The following NRXN1 variants were observed in gnomAD, a reference collection of about 807,000 sequenced individuals.
NRXN1 encodes neurexin 1, also known as neurexin-1.
In NRXN1, 39 loss-of-function variants were observed where a neutral mutation model predicts 150.9. The observed-to-expected ratio is 0.26, with a 90% CI of 0.20 to 0.34. The LOEUF is 0.34. NRXN1 is among the 10% of genes least tolerant of loss of function. The probability of loss-of-function intolerance (pLI) is 1.00; values close to 1 mark genes in which losing one functional copy is unlikely to be tolerated. For synonymous variants in NRXN1, 924 were observed against 757.0 expected (o/e 1.22, Z -3.62); for missense variants, 1,815 against 1,949.9 (o/e 0.93, Z 1.30).
intron 17 of NRXN1, among the ~76,000 whole-genome samples, chr2:50,242,733 A>G (rs190130079): frequency 6.6e-6 from 1 of 151,890 alleles, no homozygotes; most frequent in Non-Finnish European, 1.5e-5. Flanking sequence ...GAAAAAGAAA[A>G]TATGGACTAT....
intron 5 of NRXN1, among the ~76,000 whole-genome samples, chr2:50,902,307 A>G (rs1683070641): frequency 1.3e-5 from 2 of 151,980 alleles, no homozygotes; most frequent in South Asian, 4.1e-4. Context: ...CACAAATTAG[A>G]AAAAAAATAA....
chr2:50,650,667 C>A (rs1309525627), intron 5 of NRXN1, among the ~76,000 whole-genome samples: 3 of 151,998 alleles, frequency 2.0e-5, no homozygotes, highest in African/African-American at 7.2e-5. Flanking sequence ...CTAGATTTTT[C>A]TCTTTGTACT....
Position 49,943,434 on chromosome 2 carries a change from G to A in NRXN1, c.4216+270C>T, listed in dbSNP as rs181691815. Reference sequence around the variant, plus strand: ...TATTGTTACACACAAAAATTATGTTGTGAGCTAATGGAAAGTGAACAGTAA... The same window carrying A: ...TATTGTTACACACAAAAATTATGTTATGAGCTAATGGAAAGTGAACAGTAA... On this transcript the variant is annotated intron_variant, in intron 22 of 22. Transcript: ENST00000401669. Among the ~76,000 whole-genome samples the A allele has an allele frequency of 5.3e-5, 8 of 152,278 alleles. No homozygotes were observed. In the East Asian group the frequency reaches 1.5e-3, roughly 29 times the overall value.
chr2:50,313,223 T>C (rs1003710148), intron 17 of NRXN1, among the ~76,000 whole-genome samples: 10 of 152,114 alleles, frequency 6.6e-5, no homozygotes, highest in Non-Finnish European at 1.0e-4. Flanking sequence ...GGTGAATAAC[T>C]ACAGTCTCAT....
At chr2:50,726,003 G>A (rs759223655) in intron 5 of NRXN1, among the ~76,000 whole-genome samples, 7 of 152,122 alleles carry the variant, frequency 4.6e-5, no homozygotes, top group Non-Finnish European at 7.4e-5. Context: ...TCAGATTAAA[G>A]AGCTTTTACT....
chr2:50,526,083 A>G (rs936333239), intron 12 of NRXN1, among the ~76,000 whole-genome samples: 1 of 152,210 alleles, frequency 6.6e-6, no homozygotes, highest in Non-Finnish European at 1.5e-5. Flanking sequence ...TATTTTCCAT[A>G]TAAAGTACAA....
At position 50,732,799 on chromosome 2, in the gene NRXN1, G is replaced by T. The variant is rs1382995513; in HGVS notation, c.833-109184C>A. ...TCTCACATCTGCTTTTATATCTATA[G>T]CATCCGGCTTGCTTAAGATCCATGA... On this transcript the variant is annotated intron_variant, in intron 5 of 22. Coordinates refer to ENST00000401669, the MANE Select transcript of NRXN1 (RefSeq NM_001330078.2). Among the ~76,000 whole-genome samples, 3 of 152,140 alleles carry T rather than the reference G, an allele frequency of 2.0e-5. 1 individual carries two copies. The East Asian group carries it at 5.8e-4, about 29-fold the overall frequency.
At chr2:50,141,512 TGAAGAGACAACCTGCTGAATG>T (rs757950876) in intron 18 of NRXN1, among the ~76,000 whole-genome samples, 1 of 151,982 alleles carries the variant, frequency 6.6e-6, no homozygotes, top group Admixed American at 6.6e-5. Context: ...ATCAATAGAA[TGAAGAGACAACCTGCTGAATG>T]GAAGAAAATA....
chr2:49,924,596 T>C (rs1668769610), intron 22 of NRXN1, among the ~76,000 whole-genome samples: 1 of 152,218 alleles, frequency 6.6e-6, no homozygotes, highest in African/African-American at 2.4e-5. Flanking sequence ...ACTTCAACTG[T>C]GCCATATGCA....
chr2:50,040,946 A>T (rs913046242), intron 21 of NRXN1, among the ~76,000 whole-genome samples: 1 of 152,038 alleles, frequency 6.6e-6, no homozygotes, highest in Non-Finnish European at 1.5e-5. Context: ...AACATGTGCC[A>T]TGTTGGTGTG....
chr2:49,939,736 C>G (rs769525191), intron 22 of NRXN1, among the ~76,000 whole-genome samples: 3 of 152,070 alleles, frequency 2.0e-5, no homozygotes, highest in African/African-American at 7.2e-5. Flanking sequence ...GGGAAAAAGC[C>G]ACCATTTATG....
At chr2:50,469,350 G>A (rs2089236463) in intron 16 of NRXN1, among the ~76,000 whole-genome samples, 1 of 151,550 alleles carries the variant, frequency 6.6e-6, no homozygotes, top group Non-Finnish European at 1.5e-5. Flanking sequence ...AGAAATAAAA[G>A]GCAACAAGTG....
intron 18 of NRXN1, among the ~76,000 whole-genome samples, chr2:50,107,403 T>C (rs1382951734): frequency 1.3e-5 from 2 of 151,386 alleles, no homozygotes; most frequent in Admixed American, 1.3e-4. Flanking sequence ...ACCCATCTTT[T>C]AAATTTTTAA....
At chr2:49,963,788 T>C (rs926891174) in intron 21 of NRXN1, among the ~76,000 whole-genome samples, 1 of 152,218 alleles carries the variant, frequency 6.6e-6, no homozygotes, top group Admixed American at 6.5e-5. Context: ...GTGAATTAAA[T>C]GACGAATCTC....
intron 17 of NRXN1, among the ~76,000 whole-genome samples, chr2:50,256,914 T>C (rs1559184471): frequency 6.6e-6 from 1 of 152,040 alleles, no homozygotes; most frequent in Non-Finnish European, 1.5e-5. Context: ...AACTGTACAA[T>C]CCTATCCTAG....
chr2:50,102,882 C>A (rs937137954), intron 18 of NRXN1, among the ~76,000 whole-genome samples: 5 of 151,946 alleles, frequency 3.3e-5, no homozygotes, highest in African/African-American at 1.2e-4. Context: ...TGAACATGTA[C>A]AGGTATTCAA....
Position 50,810,639 on chromosome 2 carries a change from C to G in NRXN1, c.832+111230G>C, listed in dbSNP as rs1668084056. On this transcript the variant is annotated intron_variant, in intron 5 of 22. Transcript: ENST00000401669. Reference sequence around the variant, plus strand: ...AAAAGCAATTTTACCTTACTTGACACAATACAGAAATTAATCAGCATAATA... The same window carrying G: ...AAAAGCAATTTTACCTTACTTGACAGAATACAGAAATTAATCAGCATAATA... Among the ~76,000 whole-genome samples, 3 of 152,112 alleles carry G rather than the reference C, an allele frequency of 2.0e-5. No individual in the cohort carries two copies. In the South Asian group the frequency reaches 6.2e-4, roughly 32 times the overall value.
intron 5 of NRXN1, among the ~76,000 whole-genome samples, chr2:50,630,070 A>C (rs1277289525): frequency 6.6e-6 from 1 of 151,682 alleles, no homozygotes; most frequent in Non-Finnish European, 1.5e-5. Flanking sequence ...TTGGAGGAAA[A>C]TATTTAAGAG....
At chr2:50,388,998 G>A (rs1032473347) in intron 17 of NRXN1, among the ~76,000 whole-genome samples, 3 of 151,832 alleles carry the variant, frequency 2.0e-5, no homozygotes, top group African/African-American at 7.3e-5. Context: ...GAAACCTGAA[G>A]TCTACAAAAA....
Sources: gnomAD v4.1 joint callset for allele counts (sites outside exome capture counted in the v4.1 genomes callset) on GRCh38, gnomAD v4.1.1 for gene constraint, MANE v1.5 for transcripts, NCBI Gene and HGNC (gene_info 2026-07-23, HGNC 2026-07-21) for gene names.